Variants in TTC39C observed in about 807,000 individuals in gnomAD.
TTC39C encodes tetratricopeptide repeat protein 39C.
In TTC39C, 33 loss-of-function variants were observed where a neutral mutation model predicts 76.3. That is an observed-to-expected ratio of 0.43 (90% confidence interval 0.33 to 0.58). TTC39C has a LOEUF of 0.58. Ranked by LOEUF, TTC39C falls within the 20% of genes least tolerant of loss-of-function variation. The pLI is 0.04. For synonymous variants in TTC39C, 254 were observed against 260.6 expected, an observed-to-expected ratio of 0.97 and a Z score of 0.24; for missense variants, 595 against 701.4, an observed-to-expected ratio of 0.85 and a Z score of 1.71.
rs776235873 is a variant in TTC39C, at chr18:24,066,072, A to G, written c.277A>G (p.Thr93Ala). 1 of 1,599,580 alleles carries G rather than the reference A, an allele frequency of 6.3e-7. No individual in the cohort carries two copies. The highest frequency in any genetic ancestry group is 1.1e-5 in the South Asian group (1 of 87,356). Reference sequence around the variant, plus strand: ...GTTGGCATGTGATGACTTAAAAACCACAGAAAAACTGTGTGAAAGTGAAGA... The same window carrying G: ...GTTGGCATGTGATGACTTAAAAACCGCAGAAAAACTGTGTGAAAGTGAAGA... ...MQLACDDLKT[T>A]EKLCESEEAG... The change falls in exon 3 of 14, where the codon ACA becomes GCA. Residue 93 changes from threonine (T) to alanine (A), a missense_variant. Thr to Ala is a moderately conservative substitution (Grantham distance 58). Coordinates refer to ENST00000317571, the MANE Select transcript of TTC39C (RefSeq NM_001135993.2).
At chr18:24,043,020 G>T (rs991477855) in intron 1 of TTC39C, among the ~76,000 whole-genome samples, 1 of 152,096 alleles carries the variant, frequency 6.6e-6, no homozygotes, top group Admixed American at 6.5e-5. Context: ...AACTATGTGG[G>T]GGAAATAAGA....
intron 8 of TTC39C, among the ~76,000 whole-genome samples, chr18:24,122,908 C>T (rs1417482465): frequency 6.6e-6 from 1 of 152,236 alleles, no homozygotes; most frequent in Non-Finnish European, 1.5e-5. Context: ...TTCTCCTACC[C>T]TGACTACTCC....
intron 1 of TTC39C, among the ~76,000 whole-genome samples, chr18:24,008,756 C>T (rs182566085): frequency 6.6e-6 from 1 of 152,326 alleles, no homozygotes; most frequent in East Asian, 1.9e-4. Context: ...ACACATAATT[C>T]AACTGCAGCA....
At chr18:24,022,629 C>T in intron 1 of TTC39C, 1 of 985,394 alleles carries the variant, frequency 1.0e-6, no homozygotes, top group Non-Finnish European at 1.2e-6. Context: ...CACTCTGACA[C>T]CCAGAAGCTA....
At chr18:24,039,389 G>C (rs576915988) in intron 1 of TTC39C, among the ~76,000 whole-genome samples, 10 of 152,334 alleles carry the variant, frequency 6.6e-5, no homozygotes, top group Non-Finnish European at 1.3e-4. Flanking sequence ...GTATTCAAGG[G>C]AATGATGGAA....
At chr18:24,052,796 T>G (rs2083969320) in intron 1 of TTC39C, among the ~76,000 whole-genome samples, 1 of 152,140 alleles carries the variant, frequency 6.6e-6, no homozygotes, top group African/African-American at 2.4e-5. Flanking sequence ...AATTGGAAAT[T>G]TATCATGGAT....
chr18:24,024,236 C>T lies in TTC39C; in HGVS notation c.167+9198C>T, dbSNP rs181210033. Among the ~76,000 whole-genome samples the T allele has an allele frequency of 2.1e-4, 32 of 150,396 alleles. No homozygotes were observed. In the East Asian group the frequency reaches 3.7e-3, roughly 18 times the overall value. ...CTATATTGGTCAGGCTGGTCTTGAACGTCTGACCTAATGATCTGCCTGCCT... is the reference window on the plus strand; with the variant it reads ...CTATATTGGTCAGGCTGGTCTTGAATGTCTGACCTAATGATCTGCCTGCCT... On this transcript the variant is annotated intron_variant, in intron 1 of 13. Transcript: ENST00000317571.
intron 2 of TTC39C, among the ~76,000 whole-genome samples, chr18:24,065,051 C>T (rs866768695): frequency 2.0e-5 from 3 of 152,148 alleles, no homozygotes; most frequent in Non-Finnish European, 2.9e-5. Context: ...ACAAGGGCTG[C>T]GAATGAGATC....
intron 1 of TTC39C, among the ~76,000 whole-genome samples, chr18:24,052,647 G>A (rs866785116): frequency 2.6e-5 from 4 of 152,224 alleles, no homozygotes; most frequent in Middle Eastern, 3.4e-3. Context: ...TTTATTAGAC[G>A]ATGATCCCGA....
At position 24,133,944 on chromosome 18, in the gene TTC39C, AAAGC is replaced by A. The variant is rs2085165552; in HGVS notation, c.*1374_*1377del. Reference sequence around the variant, plus strand: ...ATATTTCTTTTCAAAATAAAACAGAAAAGCAAGTAGAATGTTGGCAAATTTTATC... The same window carrying A: ...ATATTTCTTTTCAAAATAAAACAGAAAAGTAGAATGTTGGCAAATTTTATC... On this transcript the variant is annotated 3_prime_UTR_variant, in exon 14 of 14. Transcript: ENST00000317571. 1 of 152,648 alleles carries A rather than the reference AAAGC, an allele frequency of 6.6e-6. No individual in the cohort carries two copies. The highest frequency in any genetic ancestry group is 1.5e-5 in the Non-Finnish European group (1 of 68,146). The allele number at this position is 152,648 out of a possible 1,614,324, so 9.5% of individuals were successfully genotyped here.
intron 1 of TTC39C, among the ~76,000 whole-genome samples, chr18:23,997,729 A>C (rs1366478911): frequency 1.3e-5 from 2 of 151,650 alleles, no homozygotes; most frequent in Non-Finnish European, 2.9e-5. Flanking sequence ...AAAGAAACCA[A>C]AACAGGCATA....
At chr18:24,108,272 G>A (rs1423495056) in intron 6 of TTC39C, among the ~76,000 whole-genome samples, 1 of 152,182 alleles carries the variant, frequency 6.6e-6, no homozygotes, top group Non-Finnish European at 1.5e-5. Flanking sequence ...GTCACTTAAT[G>A]TTAAATATGA....
chr18:24,079,258 C>T (rs2145756042), intron 4 of TTC39C, among the ~76,000 whole-genome samples: 1 of 152,234 alleles, frequency 6.6e-6, no homozygotes. Flanking sequence ...GATGATGATG[C>T]ACTCAGATAG....
At chr18:24,109,176 C>CAAAAAAAAAAAAAAAAAAAAAAAAAA (rs35872928) in intron 6 of TTC39C, among the ~76,000 whole-genome samples, 5 of 73,876 alleles carry the variant, frequency 6.8e-5, no homozygotes, top group Middle Eastern at 9.4e-3. Context: ...CCCGTCTCTA[C>CAAAAAAAAAAAAAAAAAAAAAAAAAA]AAAAAAAAAA....
At position 24,135,447 on chromosome 18, in the gene TTC39C, C is replaced by G. The variant is rs1452191433; in HGVS notation, c.*2873C>G. On this transcript the variant is annotated 3_prime_UTR_variant, in exon 14 of 14. Transcript: ENST00000317571. Reference sequence around the variant, plus strand: ...AAACCACAGTGTGAGTACACTGTCCCATTAGGTTGACTGAAGTCTGAGTAC... The same window carrying G: ...AAACCACAGTGTGAGTACACTGTCCGATTAGGTTGACTGAAGTCTGAGTAC... 1 of 153,140 alleles carries G rather than the reference C, an allele frequency of 6.5e-6. No homozygotes were observed. The highest frequency in any genetic ancestry group is 1.5e-5 in the Non-Finnish European group (1 of 68,172). 9.5% of individuals were successfully genotyped at this position (153,140 alleles called of 1,614,324 possible).
At chr18:24,077,333 T>C (rs1284643837) in intron 4 of TTC39C, 2 of 152,212 alleles carry the variant, frequency 1.3e-5, no homozygotes, top group East Asian at 3.8e-4. Context: ...AGGAGTAAAG[T>C]GTTCTTCCGA....
chr18:24,023,995 T>G (rs1362651718), intron 1 of TTC39C, among the ~76,000 whole-genome samples: 3 of 6,484 alleles, frequency 4.6e-4, no homozygotes, highest in South Asian at 4.3e-3. Context: ...TATATATATA[T>G]ATATATATAT....
At chr18:24,072,425 A>G (rs1476686861) in intron 4 of TTC39C, among the ~76,000 whole-genome samples, 1 of 151,994 alleles carries the variant, frequency 6.6e-6, no homozygotes, top group Non-Finnish European at 1.5e-5. Flanking sequence ...CCTCCCAAGT[A>G]GCTAGGATTA....
chr18:24,132,522 A>C lies in TTC39C; in HGVS notation c.1700A>C (p.His567Pro). The change falls in exon 14 of 14, where the codon CAT becomes CCT. Residue 567 changes from histidine to proline, a missense_variant. Transcript: ENST00000317571. Reference protein sequence around the residue: ...FSGYDFENRLHVRIHAALASL... With the variant: ...FSGYDFENRLPVRIHAALASL... Reference sequence around the variant, plus strand: ...GGCTACGACTTTGAAAACAGATTGCATGTCCGCATCCATGCTGCTCTGGCC... The same window carrying C: ...GGCTACGACTTTGAAAACAGATTGCCTGTCCGCATCCATGCTGCTCTGGCC... The C allele has an allele frequency of 6.2e-7, 1 of 1,614,142 alleles. No homozygotes were observed. Among genetic ancestry groups the C allele is most frequent in the East Asian group, 2.2e-5 (1 of 44,886 alleles).
Sources: allele counts gnomAD v4.1 joint callset (sites outside exome capture counted in the v4.1 genomes callset), GRCh38; gene constraint gnomAD v4.1.1; transcripts MANE v1.5; gene names NCBI Gene and HGNC (gene_info 2026-07-23, HGNC 2026-07-21).